Variants in STPG2 observed in about 807,000 individuals in gnomAD.
STPG2 encodes sperm-tail PG-rich repeat-containing protein 2.
A neutral mutation model predicts 54.2 loss-of-function variants in STPG2; 56 were observed. The observed-to-expected ratio is 1.03, with a 90% CI of 0.83 to 1.29. STPG2 has a LOEUF of 1.29. Among genes scored for constraint, STPG2 ranks in the 50% most tolerant of loss-of-function variants. STPG2 has a pLI of 0.00. For synonymous variants in STPG2, 200 were observed against 181.8 expected, an observed-to-expected ratio of 1.10 and a Z score of -0.81; for missense variants, 596 against 544.9, an observed-to-expected ratio of 1.09 and a Z score of -0.93.
At chr4:97,884,013 G>A (rs1416129178) in intron 8 of STPG2, among the ~76,000 whole-genome samples, 1 of 152,068 alleles carries the variant, frequency 6.6e-6, no homozygotes, top group Non-Finnish European at 1.5e-5. Flanking sequence ...CGGGGGTGGG[G>A]AGAAGTGCTC....
At chr4:97,929,411 T>C (rs1388730539) in intron 8 of STPG2, among the ~76,000 whole-genome samples, 9 of 152,196 alleles carry the variant, frequency 5.9e-5, no homozygotes, top group African/African-American at 2.2e-4. Flanking sequence ...ATTGCTGGGT[T>C]GAATGGGATT....
intron 8 of STPG2, among the ~76,000 whole-genome samples, chr4:97,918,701 A>G (rs900140180): frequency 6.6e-6 from 1 of 152,164 alleles, no homozygotes; most frequent in African/African-American, 2.4e-5. Context: ...TATTCAAAAT[A>G]AAGTAACTCA....
intron 9 of STPG2, among the ~76,000 whole-genome samples, chr4:97,829,310 GA>G (rs1728365782): frequency 6.6e-6 from 1 of 152,092 alleles, no homozygotes; most frequent in African/African-American, 2.4e-5. Context: ...CTAACAAACA[GA>G]AAGGGATAGC....
chr4:97,608,181 T>G (rs530101833), intron 10 of STPG2, among the ~76,000 whole-genome samples: 1 of 152,132 alleles, frequency 6.6e-6, no homozygotes, highest in Non-Finnish European at 1.5e-5. Context: ...TAAATGGGAC[T>G]GGAACATTTT....
intron 8 of STPG2, among the ~76,000 whole-genome samples, chr4:97,932,066 T>C (rs768031670): frequency 3.3e-5 from 5 of 152,342 alleles, no homozygotes; most frequent in Non-Finnish European, 5.9e-5. Flanking sequence ...GCTGATTTTA[T>C]TTCTGTGGGA....
intron 9 of STPG2, among the ~76,000 whole-genome samples, chr4:97,713,423 T>C (rs1255957482): frequency 6.6e-6 from 1 of 152,172 alleles, no homozygotes; most frequent in Non-Finnish European, 1.5e-5. Context: ...AAAGCCCAAG[T>C]TGAAAAGGTT....
chr4:97,650,677 A>C (rs1046777514), intron 10 of STPG2, among the ~76,000 whole-genome samples: 5 of 152,126 alleles, frequency 3.3e-5, no homozygotes, highest in Admixed American at 6.6e-5. Flanking sequence ...CATGTTTCCT[A>C]TTCAGACCTT....
chr4:97,845,181 TTAAGA>T (rs1391012280), intron 8 of STPG2, among the ~76,000 whole-genome samples: 1 of 151,994 alleles, frequency 6.6e-6, no homozygotes, highest in Non-Finnish European at 1.5e-5. Context: ...AGTGGACATT[TTAAGA>T]TAAGATAGCA....
In STPG2 at chr4:98,143,172, G is replaced by A. The variant is rs1427970616; in HGVS notation, c.-22C>T. 5.7e-6 allele frequency: 9 copies of A among 1,588,162 alleles called. No homozygotes were observed. Among genetic ancestry groups the A allele is most frequent in the African/African-American group, 1.3e-5 (1 of 74,414 alleles). On this transcript the variant is annotated 5_prime_UTR_variant, in exon 1 of 11. Transcript: ENST00000295268. ...ACATAGTGCTCGGGGTGGTGGGGGC[G>A]CTGGGGAAGGGCAGGTGCCGAAAAC...
intron 8 of STPG2, among the ~76,000 whole-genome samples, chr4:97,934,430 T>C (rs541179446): frequency 6.6e-6 from 1 of 152,314 alleles, no homozygotes; most frequent in East Asian, 1.9e-4. Context: ...GGCATCCTCA[T>C]CTTATGCCAG....
At chr4:97,561,136 T>C (rs558283597) in intron 10 of STPG2, among the ~76,000 whole-genome samples, 8 of 152,054 alleles carry the variant, frequency 5.3e-5, no homozygotes, top group South Asian at 2.1e-4. Context: ...TTTTAATGAT[T>C]GCCATTCTAA....
rs1373005871 is a variant in STPG2, at chr4:98,143,207, A to G, written c.-57T>C. The G allele has an allele frequency of 2.2e-6, 3 of 1,389,774 alleles. No individual in the cohort carries two copies. Among genetic ancestry groups the G allele is most frequent in the African/African-American group, 2.9e-5 (2 of 70,064 alleles). 86.1% of individuals were successfully genotyped at this position (1,389,774 alleles called of 1,614,324 possible). A position where few individuals can be genotyped will look rare whatever the true frequency, so the allele number is the denominator to read the frequency against. ...GGCAGGTGCCGAAAACGATAAAAAC[A>G]AGGTAGCTAGAAGTGTGGAGAAAAA... On this transcript the variant is annotated 5_prime_UTR_variant, in exon 1 of 11. Transcript: ENST00000295268.
intron 8 of STPG2, among the ~76,000 whole-genome samples, chr4:97,910,329 G>A (rs561731901): frequency 2.6e-5 from 4 of 152,298 alleles, no homozygotes; most frequent in South Asian, 4.1e-4. Context: ...TGGAAAGGTC[G>A]GGGAAAATAA....
intron 5 of STPG2, among the ~76,000 whole-genome samples, chr4:98,022,404 C>T (rs1454613726): frequency 1.3e-5 from 2 of 152,218 alleles, no homozygotes; most frequent in Non-Finnish European, 2.9e-5. Context: ...GTCTGATGGG[C>T]TTCCCTTTGT....
intron 10 of STPG2, among the ~76,000 whole-genome samples, chr4:97,650,471 TAGAAAG>T: frequency 6.6e-6 from 1 of 152,136 alleles, no homozygotes; most frequent in African/African-American, 2.4e-5. Context: ...TGGTTTGGTC[TAGAAAG>T]GCAAGACAAC....
At chr4:97,988,087 C>T (rs1272097684) in intron 5 of STPG2, among the ~76,000 whole-genome samples, 4 of 151,646 alleles carry the variant, frequency 2.6e-5, no homozygotes, top group African/African-American at 9.7e-5. Context: ...CTAACCTCAT[C>T]TCCTACTACC....
At chr4:97,737,641 C>T (rs995333484) in intron 9 of STPG2, among the ~76,000 whole-genome samples, 107 of 151,860 alleles carry the variant, frequency 7.0e-4, no homozygotes, top group African/African-American at 7.7e-4. Context: ...TGAAATGAAG[C>T]GAGAAGGGAA....
At chr4:98,051,299 T>C (rs783928) in intron 5 of STPG2, among the ~76,000 whole-genome samples, 1 of 152,074 alleles carries the variant, frequency 6.6e-6, no homozygotes, top group African/African-American at 2.4e-5. Flanking sequence ...ATTTGCAAAA[T>C]TTTTTTCTAG....
intron 5 of STPG2, among the ~76,000 whole-genome samples, chr4:98,026,720 C>G (rs571800877): frequency 6.6e-6 from 1 of 152,302 alleles, no homozygotes; most frequent in African/African-American, 2.4e-5. Flanking sequence ...GCTATGCCCT[C>G]TCCAGTGAGA....
Sources: gnomAD v4.1 joint callset for allele counts (sites outside exome capture counted in the v4.1 genomes callset) on GRCh38, gnomAD v4.1.1 for gene constraint, MANE v1.5 for transcripts, NCBI Gene and HGNC (gene_info 2026-07-23, HGNC 2026-07-21) for gene names.